Variants in GALK2 observed in about 807,000 individuals in gnomAD.
GALK2 encodes galactokinase 2.
A neutral mutation model predicts 52.4 loss-of-function variants in GALK2; 36 were observed. The observed-to-expected ratio is 0.69, with a 90% CI of 0.53 to 0.91. The LOEUF is 0.91. Among genes scored for constraint, GALK2 ranks in the 40% least tolerant of loss-of-function variants. The pLI, the probability that GALK2 is intolerant of heterozygous loss-of-function variation, is 0.00. For synonymous variants in GALK2, 176 were observed against 199.1 expected (o/e 0.88, Z 0.98); for missense variants, 579 against 559.1 (o/e 1.04, Z -0.36).
At chr15:49,367,700 T>G in exon 4 of GALK2, 1 of 1,165,750 alleles carries the variant, frequency 8.6e-7, no homozygotes, top group Non-Finnish European at 1.2e-6. Flanking sequence ...AGCATAAAGT[T>G]ACCATTTGAT....
At position 49,329,316 on chromosome 15, in the gene GALK2, G is replaced by A; in HGVS notation, c.*1157G>A. ...TTCTCTTGTGGATGGACTATAGGAA[G>A]CACTTTCTGAATTATGTAATGATTT... is the stretch of plus-strand genomic sequence containing the variant. On this transcript the variant is annotated 3_prime_UTR_variant, in exon 10 of 10. Transcript: ENST00000560031. 1 of 985,350 alleles carries A rather than the reference G, an allele frequency of 1.0e-6. No homozygotes were observed. Among genetic ancestry groups the A allele is most frequent in the Non-Finnish European group, 1.2e-6 (1 of 829,926 alleles). 61.0% of individuals were successfully genotyped at this position (985,350 alleles called of 1,614,324 possible). A position where few individuals can be genotyped will look rare whatever the true frequency, so the allele number is the denominator to read the frequency against.
intron 5 of GALK2, among the ~76,000 whole-genome samples, chr15:49,247,727 A>G (rs906869706): frequency 2.0e-5 from 3 of 152,234 alleles, no homozygotes; most frequent in Non-Finnish European, 4.4e-5. Flanking sequence ...TTTCAGGCAG[A>G]GTGAACCCAT....
chr15:49,279,644 C>G (rs1048650435), intron 5 of GALK2, among the ~76,000 whole-genome samples: 5 of 152,114 alleles, frequency 3.3e-5, no homozygotes, highest in African/African-American at 1.2e-4. Context: ...GTATACTTAC[C>G]ACATACTGTG....
chr15:49,183,405 C>T (rs1343003847), intron 1 of GALK2, among the ~76,000 whole-genome samples: 3 of 152,130 alleles, frequency 2.0e-5, no homozygotes, highest in Non-Finnish European at 4.4e-5. Context: ...TTCTTCTTAA[C>T]TTATTCATTG....
At chr15:49,367,633 G>T in exon 4 of GALK2, 4 of 1,529,406 alleles carry the variant, frequency 2.6e-6, no homozygotes, top group Non-Finnish European at 3.5e-6. Context: ...AAATAATCAA[G>T]ACAACGATTA....
chr15:49,360,256 CTG>C, intron 3 of GALK2, among the ~76,000 whole-genome samples: 1 of 149,100 alleles, frequency 6.7e-6, no homozygotes, highest in Non-Finnish European at 1.5e-5. Context: ...AAAAAAAAGT[CTG>C]TGTATGCATG....
Position 49,252,934 on chromosome 15 carries a change from T to C in GALK2, c.504+13567T>C, listed in dbSNP as rs2091672328. Among the ~76,000 whole-genome samples, 4 of 144,678 alleles carry C rather than the reference T, an allele frequency of 2.8e-5. 2 individuals are homozygous for C. Among genetic ancestry groups the C allele is most frequent in the Admixed American group, 1.4e-4 (2 of 14,358 alleles). 94.9% of individuals were successfully genotyped at this position (144,678 alleles called of 152,430 possible). On this transcript the variant is annotated intron_variant, in intron 5 of 9. Transcript: ENST00000560031. ...GTTTAAATGTTTAATCTTTTCCATGTCTTTTATTGATCACTTGCATTTTTT... is the reference window on the plus strand; with the variant it reads ...GTTTAAATGTTTAATCTTTTCCATGCCTTTTATTGATCACTTGCATTTTTT...
At chr15:49,240,332 GTTTA>G (rs1386425790) in intron 5 of GALK2, among the ~76,000 whole-genome samples, 1 of 151,910 alleles carries the variant, frequency 6.6e-6, no homozygotes, top group African/African-American at 2.4e-5. Context: ...AATCTGATTT[GTTTA>G]TTTATTCATT....
In GALK2 at chr15:49,329,211, G is replaced by A; in HGVS notation, c.*1052G>A. 1.1e-5 allele frequency: 11 copies of A among 986,520 alleles called. No individual in the cohort carries two copies. The highest frequency in any genetic ancestry group is 1.3e-5 in the Non-Finnish European group (11 of 830,704). The allele number at this position is 986,520 out of a possible 1,614,324, so 61.1% of individuals were successfully genotyped here. Reference sequence around the variant, plus strand: ...AAAGACTTAATGAATTCTGGGATTTGTAATGGTATTGATGGGTATCTCTGT... The same window carrying A: ...AAAGACTTAATGAATTCTGGGATTTATAATGGTATTGATGGGTATCTCTGT... On this transcript the variant is annotated 3_prime_UTR_variant, in exon 10 of 10. Transcript: ENST00000560031.
upstream of GALK2, among the ~76,000 whole-genome samples, chr15:49,166,620 G>T (rs2084831543): frequency 6.6e-6 from 1 of 152,146 alleles, no homozygotes; most frequent in African/African-American, 2.4e-5. Context: ...TGAGGCAGGA[G>T]AATCACTTGA....
Position 49,366,733 on chromosome 15 carries a change from G to A in GALK2, c.427-758G>A, listed in dbSNP as rs2045272494. The A allele has an allele frequency of 3.1e-6, 3 of 968,458 alleles. 1 individual carries two copies. In the South Asian group the frequency reaches 4.1e-5, roughly 13 times the overall value. The allele number at this position is 968,458 out of a possible 1,614,324, so 60.0% of individuals were successfully genotyped here. A position where few individuals can be genotyped will look rare whatever the true frequency, so the allele number is the denominator to read the frequency against. The stretch of plus-strand genomic sequence containing the variant: ...GTGGCGCGGCGCGGCTCACTAGGTG[G>A]GGTAGGCTGGGAGTCCCGCCACTGC... On this transcript the variant is annotated intron_variant, in intron 3 of 3. Coordinates refer to the GALK2 transcript ENST00000558399.
chr15:49,181,137 G>T (rs367872700), intron 1 of GALK2, among the ~76,000 whole-genome samples: 1 of 128,192 alleles, frequency 7.8e-6, no homozygotes, highest in Non-Finnish European at 1.5e-5. Flanking sequence ...TTGAGACAGG[G>T]TCTCACTCTG....
intron 1 of GALK2, among the ~76,000 whole-genome samples, chr15:49,187,319 G>A (rs1376732436): frequency 6.6e-6 from 1 of 152,160 alleles, no homozygotes; most frequent in Non-Finnish European, 1.5e-5. Flanking sequence ...TGATTTTCCT[G>A]GAGTTAGGGG....
chr15:49,215,541 A>G (rs963177489), intron 2 of GALK2, among the ~76,000 whole-genome samples: 3 of 152,210 alleles, frequency 2.0e-5, no homozygotes, highest in Non-Finnish European at 4.4e-5. Context: ...TGAGTTTGCC[A>G]GTTGAATTTT....
At chr15:49,358,687 C>T (rs1172152745) in intron 3 of GALK2, among the ~76,000 whole-genome samples, 1 of 150,386 alleles carries the variant, frequency 6.6e-6, no homozygotes, top group Non-Finnish European at 1.5e-5. Flanking sequence ...GATTCAATGC[C>T]ATCCCCATCA....
chr15:49,260,919 G>T (rs1418988518), intron 5 of GALK2, among the ~76,000 whole-genome samples: 1 of 152,074 alleles, frequency 6.6e-6, no homozygotes, highest in African/African-American at 2.4e-5. Flanking sequence ...CTGTTCCATT[G>T]ATCTATATCT....
At chr15:49,365,568 A>G (rs2045008466) in intron 3 of GALK2, 1 of 890,658 alleles carries the variant, frequency 1.1e-6, no homozygotes, top group Admixed American at 1.7e-5. Context: ...GTCCAGCTGC[A>G]AGTTTAACCA....
At chr15:49,157,372 A>C (rs1172208616) in intron 1 of GALK2, among the ~76,000 whole-genome samples, 3 of 152,222 alleles carry the variant, frequency 2.0e-5, no homozygotes, top group Non-Finnish European at 2.9e-5. Context: ...AGAATCAATA[A>C]AATCTAATTA....
intron 7 of GALK2, among the ~76,000 whole-genome samples, chr15:49,288,059 C>T (rs751143237): frequency 3.3e-5 from 5 of 152,110 alleles, no homozygotes; most frequent in Admixed American, 6.5e-5. Flanking sequence ...AAAGCAAACT[C>T]GAGATTTATA....
Sources: allele counts gnomAD v4.1 joint callset (sites outside exome capture counted in the v4.1 genomes callset), GRCh38; gene constraint gnomAD v4.1.1; transcripts MANE v1.5; gene names NCBI Gene and HGNC (gene_info 2026-07-23, HGNC 2026-07-21).